CDH13: variants seen among roughly 807,000 people sequenced by gnomAD.
CDH13 encodes the protein cadherin 13, also known as cadherin-13.
CDH13 carries 24 observed loss-of-function variants against 63.8 expected under a neutral mutation model. That is an observed-to-expected ratio of 0.38 (90% CI 0.27 to 0.53). The LOEUF (loss-of-function observed/expected upper bound fraction) is 0.53. CDH13 is among the 20% of genes least tolerant of loss of function. The probability of loss-of-function intolerance (pLI) is 0.85; values close to 1 mark genes in which losing one functional copy is unlikely to be tolerated. For synonymous variants in CDH13, 503 were observed against 355.3 expected, an observed-to-expected ratio of 1.42 and a Z score of -4.67; for missense variants, 1,049 against 903.1, an observed-to-expected ratio of 1.16 and a Z score of -2.07.
chr16:83,426,907 C>CTTTT (rs71148833), intron 6 of CDH13, among the ~76,000 whole-genome samples: 3,268 of 63,260 alleles, frequency 0.052, 274 homozygotes, highest in Non-Finnish European at 0.062. Flanking sequence ...ATGTTTCTTT[C>CTTTT]TTTTTTTTTT....
intron 7 of CDH13, among the ~76,000 whole-genome samples, chr16:83,529,686 A>G (rs1022681491): frequency 6.6e-5 from 10 of 152,318 alleles, no homozygotes; most frequent in South Asian, 2.1e-4. Flanking sequence ...AAATGGAAAT[A>G]GAGATTTTAA....
intron 7 of CDH13, among the ~76,000 whole-genome samples, chr16:83,518,679 G>A (rs1441056501): frequency 2.0e-5 from 3 of 150,778 alleles, no homozygotes; most frequent in East Asian, 3.9e-4. Flanking sequence ...CACCATGTTA[G>A]CCAGGATGGT....
At chr16:82,786,937 G>A (rs149657561) in intron 1 of CDH13, among the ~76,000 whole-genome samples, 1 of 152,214 alleles carries the variant, frequency 6.6e-6, no homozygotes, top group Non-Finnish European at 1.5e-5. Flanking sequence ...GCTTAGCAAG[G>A]AAGCATCCTC....
chr16:83,258,211 C>T (rs1906523314), intron 5 of CDH13, among the ~76,000 whole-genome samples: 1 of 152,176 alleles, frequency 6.6e-6, no homozygotes, highest in Admixed American at 6.5e-5. Flanking sequence ...CATAGCTCTA[C>T]AGAGGCATAG....
chr16:83,781,856 G>A (rs1915546518), intron 12 of CDH13, among the ~76,000 whole-genome samples: 1 of 150,404 alleles, frequency 6.6e-6, no homozygotes, highest in African/African-American at 2.5e-5. Flanking sequence ...GATTTGTGCA[G>A]CAAATCACCA....
chr16:82,911,898 C>T (rs1291355142), intron 2 of CDH13, among the ~76,000 whole-genome samples: 1 of 152,086 alleles, frequency 6.6e-6, no homozygotes, highest in Non-Finnish European at 1.5e-5. Context: ...GCCTTAGACG[C>T]ACCCAGTGCT....
At chr16:82,896,619 A>G (rs1280583853) in intron 2 of CDH13, among the ~76,000 whole-genome samples, 1 of 151,776 alleles carries the variant, frequency 6.6e-6, no homozygotes, top group African/African-American at 2.4e-5. Flanking sequence ...AAAGTGTGAA[A>G]AAATTATTAG....
At chr16:82,717,482 C>T (rs960616971) in intron 1 of CDH13, among the ~76,000 whole-genome samples, 1 of 148,054 alleles carries the variant, frequency 6.8e-6, no homozygotes, top group Admixed American at 6.7e-5. Flanking sequence ...CACACTTACT[C>T]TCTTACAATC....
At chr16:83,289,679 G>A (rs1444915559) in intron 5 of CDH13, among the ~76,000 whole-genome samples, 1 of 152,082 alleles carries the variant, frequency 6.6e-6, no homozygotes, top group East Asian at 1.9e-4. Context: ...CAGTCTAGCT[G>A]GACCATTTAT....
At chr16:83,264,548 A>ATG (rs1192346222) in intron 5 of CDH13, among the ~76,000 whole-genome samples, 10 of 41,552 alleles carry the variant, frequency 2.4e-4, no homozygotes, top group South Asian at 1.9e-3. Context: ...GTGTATATAT[A>ATG]TGTATGTGTG....
chr16:82,882,319 A>G (rs2040733027), intron 2 of CDH13, among the ~76,000 whole-genome samples: 1 of 152,136 alleles, frequency 6.6e-6, no homozygotes, highest in African/African-American at 2.4e-5. Context: ...TACTAATGTC[A>G]TCTTCCTTTG....
Position 83,786,395 on chromosome 16 carries a change from G to T in CDH13, c.2134+2923G>T, listed in dbSNP as rs189142261. Among the ~76,000 whole-genome samples, 11 of 152,266 alleles carry T rather than the reference G, an allele frequency of 7.2e-5. No homozygotes were observed. The East Asian group carries it at 2.1e-3, about 29-fold the overall frequency. ...CAAACTACGAATTCCTGAGCTCAGT[G>T]CCCTAGAAACTTTCATTTGTGCTCT... On this transcript the variant is annotated intron_variant, in intron 13 of 13. Transcript: ENST00000567109.
intron 6 of CDH13, among the ~76,000 whole-genome samples, chr16:83,484,586 C>T (rs1464556262): frequency 6.6e-6 from 1 of 152,198 alleles, no homozygotes; most frequent in Non-Finnish European, 1.5e-5. Flanking sequence ...GCAATACATT[C>T]ACCTTGTAAA....
At chr16:83,205,578 A>T (rs369366873) in intron 4 of CDH13, among the ~76,000 whole-genome samples, 9 of 151,530 alleles carry the variant, frequency 5.9e-5, no homozygotes, top group East Asian at 3.9e-4. Context: ...CATATGTTAC[A>T]AGAAATGGTG....
intron 1 of CDH13, among the ~76,000 whole-genome samples, chr16:82,750,484 C>G (rs753373916): frequency 6.6e-6 from 1 of 152,138 alleles, no homozygotes; most frequent in Non-Finnish European, 1.5e-5. Context: ...ATTCTTCCTC[C>G]CTTTGCCCAT....
chr16:83,015,483 G>A (rs1266484949), intron 2 of CDH13, among the ~76,000 whole-genome samples: 1 of 151,054 alleles, frequency 6.6e-6, no homozygotes, highest in Non-Finnish European at 1.5e-5. Context: ...AGTATTCCTG[G>A]TGATAGTATC....
chr16:83,042,767 G>A (rs542118547), intron 3 of CDH13, among the ~76,000 whole-genome samples: 1 of 152,264 alleles, frequency 6.6e-6, no homozygotes, highest in East Asian at 1.9e-4. Flanking sequence ...CATTGACTGG[G>A]AGTGACATGG....
At chr16:83,052,106 T>C (rs1182267574) in intron 3 of CDH13, among the ~76,000 whole-genome samples, 1 of 152,228 alleles carries the variant, frequency 6.6e-6, no homozygotes, top group East Asian at 1.9e-4. Context: ...ATTCTCTGCT[T>C]ACTTCATGAA....
intron 2 of CDH13, among the ~76,000 whole-genome samples, chr16:82,866,377 CTTTTTTTTTT>C (rs538206338): frequency 2.6e-4 from 15 of 58,322 alleles, no homozygotes; most frequent in African/African-American, 5.2e-4. Flanking sequence ...TTTTCTTCTT[CTTTTTTTTTT>C]TTTTTTTTTT....
Sources: allele counts gnomAD v4.1 joint callset (sites outside exome capture counted in the v4.1 genomes callset), GRCh38; gene constraint gnomAD v4.1.1; transcripts MANE v1.5; gene names NCBI Gene and HGNC (gene_info 2026-07-23, HGNC 2026-07-21).